The following GRIA1 variants were observed in gnomAD, a reference collection of about 807,000 sequenced individuals.
GRIA1 encodes glutamate receptor 1.
In GRIA1, 31 loss-of-function variants were observed where a neutral mutation model predicts 99.2. The ratio of observed to expected loss-of-function variants is 0.31; its 90% CI spans 0.23 to 0.42. The LOEUF (loss-of-function observed/expected upper bound fraction) is 0.42. Among genes scored for constraint, GRIA1 ranks in the 10% least tolerant of loss-of-function variants. The pLI is 1.00. For synonymous variants in GRIA1, 438 were observed against 432.4 expected, an observed-to-expected ratio of 1.01 and a Z score of -0.16; for missense variants, 782 against 1,157.5, an observed-to-expected ratio of 0.68 and a Z score of 4.71.
At chr5:153,609,909 G>T (rs17520467) in intron 2 of GRIA1, among the ~76,000 whole-genome samples, 11,231 of 152,046 alleles carry the variant, frequency 0.074, 549 homozygotes, top group Non-Finnish European at 0.11. Flanking sequence ...GATCATCCTA[G>T]GTTTCTTTCC....
chr5:153,645,137 C>T (rs192232844), intron 2 of GRIA1, among the ~76,000 whole-genome samples: 2 of 152,236 alleles, frequency 1.3e-5, no homozygotes, highest in Admixed American at 6.5e-5. Context: ...TCCTAAAGCT[C>T]AAGGCCATGA....
intron 13 of GRIA1, among the ~76,000 whole-genome samples, chr5:153,793,242 C>T (rs928825660): frequency 6.6e-6 from 1 of 152,196 alleles, no homozygotes; most frequent in African/African-American, 2.4e-5. Flanking sequence ...TGGAATGGAA[C>T]AGGCACCTGG....
At chr5:153,507,359 A>G (rs1423219727) in intron 2 of GRIA1, among the ~76,000 whole-genome samples, 1 of 151,700 alleles carries the variant, frequency 6.6e-6, no homozygotes, top group Non-Finnish European at 1.5e-5. Context: ...TCTCCTCAAC[A>G]CCACCACAGG....
intron 2 of GRIA1, among the ~76,000 whole-genome samples, chr5:153,633,355 T>C (rs1044428628): frequency 5.9e-5 from 9 of 152,198 alleles, no homozygotes; most frequent in African/African-American, 2.2e-4. Flanking sequence ...CACTCCAGGA[T>C]AGTGAGAAAT....
chr5:153,513,973 T>C lies in GRIA1; in HGVS notation c.220+19908T>C, dbSNP rs189563998. ...CAGTAACTATTACCTCTATTTTGGT[T>C]CAACACCATTTTGCAGTCTCCCCCA... is the stretch of plus-strand genomic sequence containing the variant. On this transcript the variant is annotated intron_variant, in intron 2 of 15. Coordinates refer to ENST00000285900, the MANE Select transcript of GRIA1 (RefSeq NM_000827.4). Among the ~76,000 whole-genome samples, 212 of 152,320 alleles carry C rather than the reference T, an allele frequency of 1.4e-3. 1 individual carries two copies. The highest frequency in any genetic ancestry group is 1.5e-3 in the Non-Finnish European group (100 of 68,034).
chr5:153,761,014 A>G (rs1581611383), intron 11 of GRIA1, among the ~76,000 whole-genome samples: 1 of 152,162 alleles, frequency 6.6e-6, no homozygotes, highest in African/African-American at 2.4e-5. Flanking sequence ...CTCACTAGGT[A>G]CCAAAATCAC....
intron 13 of GRIA1, among the ~76,000 whole-genome samples, chr5:153,772,318 A>C (rs948138479): frequency 4.0e-5 from 6 of 151,672 alleles, no homozygotes; most frequent in Admixed American, 1.3e-4. Flanking sequence ...AGTGAGGAGA[A>C]GGGAAGAAAA....
At chr5:153,696,430 T>C (rs1758109590) in intron 8 of GRIA1, among the ~76,000 whole-genome samples, 1 of 152,132 alleles carries the variant, frequency 6.6e-6, no homozygotes, top group Non-Finnish European at 1.5e-5. Context: ...CTCAACCACT[T>C]TGCAGCTACT....
intron 2 of GRIA1, among the ~76,000 whole-genome samples, chr5:153,591,858 C>T (rs537590602): frequency 2.2e-4 from 34 of 152,280 alleles, no homozygotes; most frequent in Admixed American, 2.2e-3. Flanking sequence ...GTGATTGCAA[C>T]ATGAAAGCAA....
intron 13 of GRIA1, among the ~76,000 whole-genome samples, chr5:153,782,688 C>T (rs1764711202): frequency 6.6e-6 from 1 of 152,020 alleles, no homozygotes; most frequent in South Asian, 2.1e-4. Context: ...TTGCCCATCC[C>T]CAGGGTGAAA....
intron 11 of GRIA1, among the ~76,000 whole-genome samples, chr5:153,756,772 T>C (rs1469204813): frequency 6.6e-6 from 1 of 152,160 alleles, no homozygotes; most frequent in Non-Finnish European, 1.5e-5. Context: ...TCACAGACTC[T>C]GACAACAGGT....
rs998475375 is a variant in GRIA1 at position 153,813,797 on chromosome 5, G to A, written c.*2572G>A. On this transcript the variant is annotated 3_prime_UTR_variant, in exon 16 of 16. Transcript: ENST00000285900. ...TTGGTTCTTGTTTTTCTTTCAAATA[G>A]CCAGGTTTTTTTCTTTTGGTATTTG... The A allele has an allele frequency of 6.6e-6, 1 of 152,108 alleles. No individual in the cohort carries two copies. The highest frequency in any genetic ancestry group is 2.4e-5 in the African/African-American group (1 of 41,408). 9.4% of individuals were successfully genotyped at this position (152,108 alleles called of 1,614,324 possible).
intron 11 of GRIA1, among the ~76,000 whole-genome samples, chr5:153,757,225 T>G (rs7445323): frequency 0.6 from 90,810 of 151,738 alleles, 27,890 homozygotes; most frequent in East Asian, 0.94. Context: ...TTGAAAACAG[T>G]CTCCTTGAAA....
intron 2 of GRIA1, among the ~76,000 whole-genome samples, chr5:153,543,873 C>A (rs6893720): frequency 6.6e-6 from 1 of 151,654 alleles, no homozygotes; most frequent in Non-Finnish European, 1.5e-5. Flanking sequence ...CCTCAGTGAG[C>A]TTTCAGTCGA....
intron 2 of GRIA1, among the ~76,000 whole-genome samples, chr5:153,589,753 C>T (rs896871876): frequency 7.2e-5 from 11 of 151,844 alleles, no homozygotes; most frequent in African/African-American, 2.4e-4. Flanking sequence ...GATAAACTAT[C>T]GAGAACAGAA....
chr5:153,536,196 TC>T (rs1758555759), intron 2 of GRIA1, among the ~76,000 whole-genome samples: 1 of 152,090 alleles, frequency 6.6e-6, no homozygotes, highest in African/African-American at 2.4e-5. Context: ...TTCCCTCATT[TC>T]CCTCCTGTTT....
chr5:153,776,530 G>A (rs958585510), intron 13 of GRIA1, among the ~76,000 whole-genome samples: 2 of 152,148 alleles, frequency 1.3e-5, no homozygotes, highest in African/African-American at 4.8e-5. Context: ...AATGATGAAG[G>A]CCGTCGATCA....
chr5:153,601,982 T>C (rs1765008328), intron 2 of GRIA1, among the ~76,000 whole-genome samples: 1 of 152,196 alleles, frequency 6.6e-6, no homozygotes, highest in South Asian at 2.1e-4. Context: ...TGCCCTCCAT[T>C]GTCTGTGTCA....
chr5:153,534,832 G>C (rs1178824445), intron 2 of GRIA1, among the ~76,000 whole-genome samples: 4 of 152,208 alleles, frequency 2.6e-5, no homozygotes, highest in African/African-American at 4.8e-5. Flanking sequence ...TCATATCACT[G>C]TCTTCAGAGA....
Sources: gnomAD v4.1 joint callset for allele counts (sites outside exome capture counted in the v4.1 genomes callset) on GRCh38, gnomAD v4.1.1 for gene constraint, MANE v1.5 for transcripts, NCBI Gene and HGNC (gene_info 2026-07-23, HGNC 2026-07-21) for gene names.